PTPRT: variants seen among roughly 807,000 people sequenced by gnomAD.
PTPRT encodes receptor-type tyrosine-protein phosphatase T.
PTPRT carries 56 observed loss-of-function variants against 176.8 expected under a neutral mutation model. That is an observed-to-expected ratio of 0.32 (90% CI 0.26 to 0.40). The LOEUF (loss-of-function observed/expected upper bound fraction) is 0.40, where lower values mean the gene tolerates loss of function less well. Among genes scored for constraint, PTPRT ranks in the 10% least tolerant of loss-of-function variants. PTPRT has a pLI of 1.00. For missense variants in PTPRT, 1,540 were observed against 1,908.2 expected (o/e 0.81, Z 3.60); for synonymous variants, 783 against 739.0 (o/e 1.06, Z -0.96).
At chr20:42,258,555 T>C (rs543131227) in intron 13 of PTPRT, among the ~76,000 whole-genome samples, 1 of 152,198 alleles carries the variant, frequency 6.6e-6, no homozygotes, top group Admixed American at 6.5e-5. Context: ...ATTTAGGTGA[T>C]TTTTTTCTGC....
the PTPRT span, among the ~76,000 whole-genome samples, chr20:42,032,648 G>T: frequency 0.038 from 5,812 of 152,174 alleles, 176 homozygotes; most frequent in Middle Eastern, 0.068. Context: ...GTGTGGGCTG[G>T]CCTTGCAGAC....
At chr20:42,672,371 C>T (rs976872789) in intron 7 of PTPRT, among the ~76,000 whole-genome samples, 5 of 152,200 alleles carry the variant, frequency 3.3e-5, no homozygotes, top group South Asian at 2.1e-4. Context: ...CTTTGGGACT[C>T]GGACTGGCTT....
intron 15 of PTPRT, among the ~76,000 whole-genome samples, chr20:42,209,982 G>C: frequency 6.6e-6 from 1 of 152,260 alleles, no homozygotes; most frequent in South Asian, 2.1e-4. Context: ...GGGATGCAAG[G>C]CTGGTTCAAT....
At chr20:42,146,041 C>G (rs944646543) in intron 17 of PTPRT, among the ~76,000 whole-genome samples, 1 of 152,166 alleles carries the variant, frequency 6.6e-6, no homozygotes, top group African/African-American at 2.4e-5. Flanking sequence ...TTCTACCAAA[C>G]CTTGCATCCA....
intron 8 of PTPRT, among the ~76,000 whole-genome samples, chr20:42,465,675 C>T (rs947773309): frequency 3.9e-5 from 6 of 152,150 alleles, no homozygotes; most frequent in African/African-American, 1.4e-4. Flanking sequence ...AAATAGCTAC[C>T]TTTCAAGTGT....
chr20:42,802,402 A>T (rs556087498), intron 2 of PTPRT, among the ~76,000 whole-genome samples: 1 of 152,322 alleles, frequency 6.6e-6, no homozygotes, highest in Admixed American at 6.5e-5. Context: ...TTAAACATGA[A>T]GACTCTCCCT....
At chr20:42,526,956 CTTTTTT>C (rs915511549) in intron 7 of PTPRT, among the ~76,000 whole-genome samples, 250 of 78,704 alleles carry the variant, frequency 3.2e-3, no homozygotes, top group South Asian at 0.012. Flanking sequence ...GTTCTTTTTT[CTTTTTT>C]TTTTTTTTTT....
At chr20:42,711,947 T>C (rs1317001145) in intron 6 of PTPRT, among the ~76,000 whole-genome samples, 1 of 152,036 alleles carries the variant, frequency 6.6e-6, no homozygotes, top group Non-Finnish European at 1.5e-5. Flanking sequence ...CCACAGCCCA[T>C]GACTCTCATT....
the PTPRT span, among the ~76,000 whole-genome samples, chr20:42,055,699 G>T: frequency 6.6e-6 from 1 of 152,130 alleles, no homozygotes; most frequent in Non-Finnish European, 1.5e-5. Context: ...GGACCATGGG[G>T]GGAATGAGAG....
At chr20:42,981,513 G>T (rs1297394614) in intron 1 of PTPRT, among the ~76,000 whole-genome samples, 2 of 152,202 alleles carry the variant, frequency 1.3e-5, no homozygotes, top group Non-Finnish European at 1.5e-5. Flanking sequence ...TGCGCATTGG[G>T]CTTGCCCTCT....
At chr20:42,705,439 G>C (rs1216540566) in intron 6 of PTPRT, among the ~76,000 whole-genome samples, 2 of 151,866 alleles carry the variant, frequency 1.3e-5, no homozygotes, top group Non-Finnish European at 2.9e-5. Flanking sequence ...GGGAGGTGCG[G>C]GGGTGTATTG....
At chr20:42,419,092 C>A (rs562691950) in intron 9 of PTPRT, among the ~76,000 whole-genome samples, 29 of 152,316 alleles carry the variant, frequency 1.9e-4, no homozygotes, top group African/African-American at 7.0e-4. Flanking sequence ...CAGGGTGCTG[C>A]CAATAGTGAG....
chr20:42,445,991 T>C (rs1220671573), intron 9 of PTPRT, among the ~76,000 whole-genome samples: 1 of 152,226 alleles, frequency 6.6e-6, no homozygotes, highest in African/African-American at 2.4e-5. Context: ...CTTCTTGTCA[T>C]GGAATTTTAA....
chr20:43,005,811 C>A (rs1461350019), intron 1 of PTPRT, among the ~76,000 whole-genome samples: 1 of 152,174 alleles, frequency 6.6e-6, no homozygotes, highest in African/African-American at 2.4e-5. Context: ...TATTTGTGAT[C>A]ATCTTTTCCT....
intron 1 of PTPRT, among the ~76,000 whole-genome samples, chr20:43,000,271 T>C (rs867084007): frequency 6.6e-6 from 1 of 151,962 alleles, no homozygotes; most frequent in South Asian, 2.1e-4. Context: ...AAACAAGTTA[T>C]GTATCAAAGA....
At chr20:42,068,748 C>T (rs931583133), downstream of PTPRT, among the ~76,000 whole-genome samples, 3 of 152,224 alleles carry the variant, frequency 2.0e-5, no homozygotes, top group Non-Finnish European at 2.9e-5. Context: ...CTCCCGGATT[C>T]ACACAATAGC....
At chr20:43,031,733 T>A (rs918145760) in intron 1 of PTPRT, among the ~76,000 whole-genome samples, 4 of 152,096 alleles carry the variant, frequency 2.6e-5, no homozygotes, top group Non-Finnish European at 5.9e-5. Context: ...TGAATATCTC[T>A]ATACAGGGGC....
chr20:42,216,136 C>T (rs4536705), intron 15 of PTPRT, among the ~76,000 whole-genome samples: 1 of 152,226 alleles, frequency 6.6e-6, no homozygotes. Flanking sequence ...GCCCACATCT[C>T]TTCTCAGATC....
intron 12 of PTPRT, among the ~76,000 whole-genome samples, 158 bp from the exon 13 acceptor site, chr20:42,282,683 A>C (rs1180293767): frequency 2.6e-5 from 4 of 151,868 alleles, no homozygotes; most frequent in Admixed American, 2.6e-4. Flanking sequence ...TCCCCATCGG[A>C]TGACCTTTTA....
Sources: gnomAD v4.1 joint callset for allele counts (sites outside exome capture counted in the v4.1 genomes callset) on GRCh38, gnomAD v4.1.1 for gene constraint, MANE v1.5 for transcripts, NCBI Gene and HGNC (gene_info 2026-07-23, HGNC 2026-07-21) for gene names.